Variants in IQCM observed in about 807,000 individuals in gnomAD.
The protein encoded by IQCM is IQ motif containing M, also known as IQ domain-containing protein M.
In IQCM, 45 loss-of-function variants were observed where a neutral mutation model predicts 57.6. That is an observed-to-expected ratio of 0.78 (90% CI 0.62 to 1.00). IQCM has a LOEUF of 1.00. Among genes scored for constraint, IQCM ranks in the 50% least tolerant of loss-of-function variants. IQCM has a pLI of 0.00. For synonymous variants in IQCM, 148 were observed against 158.9 expected, an observed-to-expected ratio of 0.93 and a Z score of 0.51; for missense variants, 468 against 511.6, an observed-to-expected ratio of 0.91 and a Z score of 0.82.
intron 4 of IQCM, among the ~76,000 whole-genome samples, chr4:149,735,081 T>C (rs1479125428): frequency 6.6e-6 from 1 of 152,192 alleles, no homozygotes; most frequent in Non-Finnish European, 1.5e-5. Context: ...GATATTTATG[T>C]GACATGATAA....
At position 149,791,203 on chromosome 4, in the gene IQCM, G is replaced by A. The variant is rs191263349; in HGVS notation, c.-49+24108C>T. On this transcript the variant is annotated intron_variant, in intron 2 of 13. Coordinates refer to ENST00000636793, the MANE Select transcript of IQCM (RefSeq NM_001363507.2). ...TAAATCATTTTGGTAGATAACACAT[G>A]TTTATTTGCCAAATTTTATTACTGT... is the stretch of plus-strand genomic sequence containing the variant. 5.2e-4 allele frequency among the ~76,000 whole-genome samples: 79 copies of A among 152,028 alleles called. No individual in the cohort carries two copies. The East Asian group carries it at 0.012, about 24-fold the overall frequency.
intron 5 of IQCM, among the ~76,000 whole-genome samples, chr4:149,711,511 A>G (rs1450369882): frequency 2.0e-5 from 3 of 152,218 alleles, no homozygotes; most frequent in Non-Finnish European, 4.4e-5. Context: ...GCATGGCTTA[A>G]TATACTGACT....
At chr4:149,613,763 C>T (rs1247836366) in intron 8 of IQCM, among the ~76,000 whole-genome samples, 1 of 152,050 alleles carries the variant, frequency 6.6e-6, no homozygotes, top group African/African-American at 2.4e-5. Context: ...TGTTTCCCTT[C>T]CCGTGTCCAT....
At chr4:149,481,696 G>GTTTTTTTTTTTTGTTTTGTT (rs1197852884) in intron 12 of IQCM, among the ~76,000 whole-genome samples, 1 of 33,602 alleles carries the variant, frequency 3.0e-5, no homozygotes, top group African/African-American at 1.2e-4. Context: ...GATTCTTCCA[G>GTTTTTTTTTTTTGTTTTGTT]TTTTGTTTTT....
At chr4:149,507,675 G>A (rs1237815170) in intron 12 of IQCM, among the ~76,000 whole-genome samples, 1 of 152,158 alleles carries the variant, frequency 6.6e-6, no homozygotes, top group Non-Finnish European at 1.5e-5. Context: ...TAAAGGGGAA[G>A]CAGAGCATAA....
intron 12 of IQCM, among the ~76,000 whole-genome samples, chr4:149,501,888 C>A (rs1185268677): frequency 6.6e-6 from 1 of 152,062 alleles, no homozygotes; most frequent in Non-Finnish European, 1.5e-5. Context: ...AGGCTGAGAC[C>A]AAAAGAAGAC....
At chr4:149,503,685 G>T (rs936712542) in intron 12 of IQCM, among the ~76,000 whole-genome samples, 9 of 151,860 alleles carry the variant, frequency 5.9e-5, no homozygotes, top group African/African-American at 1.9e-4. Context: ...AAAACTAAAT[G>T]ACTAAAATAT....
intron 12 of IQCM, among the ~76,000 whole-genome samples, chr4:149,451,581 A>G (rs1737125415): frequency 6.6e-6 from 1 of 151,822 alleles, no homozygotes; most frequent in African/African-American, 2.4e-5. Context: ...AAGACTTAAG[A>G]CTTTAGGAAA....
intron 2 of IQCM, among the ~76,000 whole-genome samples, chr4:149,802,554 C>T (rs1170880311): frequency 6.6e-6 from 1 of 151,908 alleles, no homozygotes; most frequent in Non-Finnish European, 1.5e-5. Context: ...CCTTGAAAAC[C>T]TGCTTGTAAC....
At chr4:149,729,601 A>T (rs532375094) in intron 5 of IQCM, among the ~76,000 whole-genome samples, 4 of 152,022 alleles carry the variant, frequency 2.6e-5, no homozygotes, top group East Asian at 1.9e-4. Flanking sequence ...CAGCCTCCCA[A>T]ATAGCTAGGA....
At chr4:149,500,140 T>C (rs1454799651) in intron 12 of IQCM, among the ~76,000 whole-genome samples, 1 of 152,204 alleles carries the variant, frequency 6.6e-6, no homozygotes, top group Admixed American at 6.5e-5. Flanking sequence ...TGACCTTTCA[T>C]TTAGTATTTG....
intron 13 of IQCM, among the ~76,000 whole-genome samples, chr4:149,391,001 C>A (rs1455971140): frequency 6.6e-6 from 1 of 151,648 alleles, no homozygotes. Context: ...CAGAAGTAAT[C>A]AAAGCAATGT....
At chr4:149,649,344 C>G (rs542320648) in intron 7 of IQCM, among the ~76,000 whole-genome samples, 2 of 152,096 alleles carry the variant, frequency 1.3e-5, no homozygotes, top group Admixed American at 1.3e-4. Context: ...ACCCTAGGCC[C>G]TGACTGTTTC....
In IQCM at chr4:149,414,625, GC is replaced by G. The variant is rs536530548; in HGVS notation, c.1390+18770del. The stretch of plus-strand genomic sequence containing the variant: ...TATCTTTTCCTCTCCCTTTTTAAGT[GC>G]CCCCATGATAATTTTCTGTATTTTA... On this transcript the variant is annotated intron_variant, in intron 13 of 13. Coordinates refer to ENST00000636793, the MANE Select transcript of IQCM (RefSeq NM_001363507.2). 3.4e-3 allele frequency among the ~76,000 whole-genome samples: 510 copies of G among 151,632 alleles called. 4 individuals are homozygous for G. The highest frequency in any genetic ancestry group is 0.011 in the African/African-American group (472 of 41,380).
intron 12 of IQCM, among the ~76,000 whole-genome samples, chr4:149,477,731 C>T (rs977681531): frequency 2.0e-5 from 3 of 152,004 alleles, no homozygotes; most frequent in South Asian, 2.1e-4. Flanking sequence ...TATCCTGGCC[C>T]GTGTGTTGGA....
intron 12 of IQCM, among the ~76,000 whole-genome samples, chr4:149,480,277 T>C (rs1740638179): frequency 6.6e-6 from 1 of 152,182 alleles, no homozygotes; most frequent in African/African-American, 2.4e-5. Flanking sequence ...CAATTACACT[T>C]TTTAAAGTTA....
chr4:149,775,244 G>A (rs768373739), intron 2 of IQCM, among the ~76,000 whole-genome samples: 4 of 151,884 alleles, frequency 2.6e-5, no homozygotes, highest in Middle Eastern at 3.4e-3. Context: ...AATAAGTGTC[G>A]GATTGAATGT....
chr4:149,725,296 T>C (rs1765793314), intron 5 of IQCM, among the ~76,000 whole-genome samples: 1 of 152,166 alleles, frequency 6.6e-6, no homozygotes, highest in African/African-American at 2.4e-5. Flanking sequence ...TTCTTTCTAA[T>C]CTCACAGACT....
chr4:149,606,202 C>A (rs1344876540), intron 8 of IQCM, among the ~76,000 whole-genome samples: 1 of 152,258 alleles, frequency 6.6e-6, no homozygotes, highest in African/African-American at 2.4e-5. Context: ...ATGGGAATAC[C>A]AGCATCACCC....
Sources: allele counts gnomAD v4.1 joint callset (sites outside exome capture counted in the v4.1 genomes callset), GRCh38; gene constraint gnomAD v4.1.1; transcripts MANE v1.5; gene names NCBI Gene and HGNC (gene_info 2026-07-23, HGNC 2026-07-21).